Variants in CS observed in about 807,000 individuals in gnomAD.
The protein encoded by CS is citrate synthase, mitochondrial.
CS carries 13 observed loss-of-function variants against 61.4 expected under a neutral mutation model. That is an observed-to-expected ratio of 0.21 (90% CI 0.14 to 0.34). The LOEUF (loss-of-function observed/expected upper bound fraction) is 0.34. Ranked by LOEUF, CS falls within the 10% of genes least tolerant of loss-of-function variation. The probability of loss-of-function intolerance (pLI) is 1.00; values close to 1 mark genes in which losing one functional copy is unlikely to be tolerated. For synonymous variants in CS, 159 were observed against 215.2 expected (o/e 0.74, Z 2.29); for missense variants, 278 against 573.4 (o/e 0.48, Z 5.26).
chr12:56,292,730 C>CAAAA (rs531365770), intron 1 of CS, among the ~76,000 whole-genome samples: 1 of 56,874 alleles, frequency 1.8e-5, no homozygotes, highest in Non-Finnish European at 3.4e-5. Context: ...TAAAAAAATA[C>CAAAA]AAAAAAAAAA....
intron 6 of CS, among the ~76,000 whole-genome samples, chr12:56,280,818 A>G (rs993312191): frequency 1.3e-5 from 2 of 152,108 alleles, no homozygotes; most frequent in Non-Finnish European, 2.9e-5. Flanking sequence ...CATACCACCT[A>G]AAGTGTTTAT....
intron 1 of CS, among the ~76,000 whole-genome samples, chr12:56,288,099 A>G (rs1359426273): frequency 6.6e-6 from 1 of 152,228 alleles, no homozygotes; most frequent in Non-Finnish European, 1.5e-5. Context: ...GCTCTATAAA[A>G]TGGCTCTAAT....
At chr12:56,284,636 T>C (rs1443563393) in intron 3 of CS, among the ~76,000 whole-genome samples, 1 of 151,350 alleles carries the variant, frequency 6.6e-6, no homozygotes, top group Admixed American at 6.6e-5. Flanking sequence ...GTGCAGTGGC[T>C]CACGCCTGTA....
At chr12:56,273,992 T>A (rs1332104705) in intron 9 of CS, 196 bp from the exon 10 acceptor site, 72 of 496,886 alleles carry the variant, frequency 1.4e-4, no homozygotes, top group East Asian at 2.3e-4. Context: ...CACCAACACA[T>A]CTGGCTTTTT....
chr12:56,299,875 T>C, intron 1 of CS: 1 of 384,096 alleles, frequency 2.6e-6, no homozygotes, highest in Non-Finnish European at 4.8e-6. Context: ...CACGCATCCC[T>C]TCCCCTTTCA....
intron 1 of CS, among the ~76,000 whole-genome samples, chr12:56,292,881 G>T (rs199780934): frequency 6.6e-6 from 1 of 151,666 alleles, no homozygotes; most frequent in Non-Finnish European, 1.5e-5. Context: ...TCCAGCCTGG[G>T]CGACAGAGTG....
At chr12:56,290,575 TA>T (rs545813275) in intron 1 of CS, among the ~76,000 whole-genome samples, 156 of 147,296 alleles carry the variant, frequency 1.1e-3, no homozygotes, top group Non-Finnish European at 1.5e-3. Context: ...ACCTGAAGCT[TA>T]AAAAAAAAAA....
chr12:56,287,582 T>C (rs1872982218), intron 1 of CS, among the ~76,000 whole-genome samples: 1 of 146,206 alleles, frequency 6.8e-6, no homozygotes, highest in Non-Finnish European at 1.5e-5. Flanking sequence ...TTTCCTCAAA[T>C]AAAAAATACA....
At chr12:56,296,359 G>A (rs1288192643) in intron 1 of CS, among the ~76,000 whole-genome samples, 3 of 152,032 alleles carry the variant, frequency 2.0e-5, no homozygotes, top group Non-Finnish European at 4.4e-5. Context: ...GCTACTCGGG[G>A]GGATTGCTTG....
chr12:56,286,736 C>T, intron 1 of CS, 91 bp from the exon 2 acceptor site: 2 of 1,149,492 alleles, frequency 1.7e-6, no homozygotes, highest in Non-Finnish European at 1.3e-6. Context: ...ACCTCTCTCT[C>T]TTCATCTCAG....
chr12:56,273,935 G>A, intron 9 of CS, 139 bp from the exon 10 acceptor site: 1 of 692,744 alleles, frequency 1.4e-6, no homozygotes, highest in Non-Finnish European at 2.5e-6. Flanking sequence ...CCAGGCTCAG[G>A]CAATTCTCCC....
In CS at chr12:56,271,965, G is replaced by A; in HGVS notation, c.*1119C>T. ...AATGGGGCTTCTGAAACATTGTACTGTGAGCTCTCAGGGAAAGGGAGGAAA... is the reference window on the plus strand; with the variant it reads ...AATGGGGCTTCTGAAACATTGTACTATGAGCTCTCAGGGAAAGGGAGGAAA... On this transcript the variant is annotated 3_prime_UTR_variant, in exon 11 of 11. Transcript: ENST00000351328. 1 of 449,146 alleles carries A rather than the reference G, an allele frequency of 2.2e-6. No homozygotes were observed. Among genetic ancestry groups the A allele is most frequent in the Non-Finnish European group, 4.5e-6 (1 of 224,024 alleles). 27.8% of individuals were successfully genotyped at this position (449,146 alleles called of 1,614,324 possible).
intron 1 of CS, chr12:56,291,333 TTTTCTTTC>T (rs368542302): frequency 2.5e-5 from 23 of 931,976 alleles, no homozygotes; most frequent in Middle Eastern, 2.9e-4. Context: ...AAAGTCCCAA[TTTTCTTTC>T]TTTCTTTCTT....
chr12:56,298,226 G>A (rs371305769), intron 1 of CS, among the ~76,000 whole-genome samples: 1 of 151,966 alleles, frequency 6.6e-6, no homozygotes, highest in African/African-American at 2.4e-5. Context: ...TCAAATTCCC[G>A]ACCTCAGGTG....
chr12:56,285,708 G>A (rs1422830570), intron 3 of CS, among the ~76,000 whole-genome samples: 1 of 152,170 alleles, frequency 6.6e-6, no homozygotes, highest in East Asian at 1.9e-4. Context: ...TAGTCTAGGA[G>A]AAGGGGATGG....
At chr12:56,294,472 T>TAA (rs1873232126) in intron 1 of CS, among the ~76,000 whole-genome samples, 1 of 66,888 alleles carries the variant, frequency 1.5e-5, no homozygotes, top group Non-Finnish European at 2.6e-5. Flanking sequence ...AGACTCTGTC[T>TAA]CAAAAAAAAA....
At chr12:56,294,467 C>T (rs1873231536) in intron 1 of CS, among the ~76,000 whole-genome samples, 4 of 112,762 alleles carry the variant, frequency 3.5e-5, no homozygotes. Flanking sequence ...GAGCAAGACT[C>T]TGTCTCAAAA....
intron 3 of CS, 70 bp downstream of exon 3, chr12:56,285,846 G>A: frequency 8.2e-7 from 1 of 1,224,910 alleles, no homozygotes; most frequent in Admixed American, 1.7e-5. Flanking sequence ...ATAGTCAGTG[G>A]AGAGAATGTT....
intron 6 of CS, among the ~76,000 whole-genome samples, chr12:56,280,634 A>AG (rs1484424530): frequency 6.6e-6 from 1 of 151,912 alleles, no homozygotes; most frequent in African/African-American, 2.4e-5. Context: ...TTCTAAAAAA[A>AG]TAAAAATAAA....
Sources: gnomAD v4.1 joint callset for allele counts (sites outside exome capture counted in the v4.1 genomes callset) on GRCh38, gnomAD v4.1.1 for gene constraint, MANE v1.5 for transcripts, NCBI Gene and HGNC (gene_info 2026-07-23, HGNC 2026-07-21) for gene names.